RBFOX1: variants seen among roughly 807,000 people sequenced by gnomAD.
The protein encoded by RBFOX1 is RNA binding protein fox-1 homolog 1.
Under a neutral mutation model 57.7 loss-of-function variants are expected in RBFOX1, and 8 were observed. The observed-to-expected ratio is 0.14, with a 90% CI of 0.08 to 0.25. The LOEUF (loss-of-function observed/expected upper bound fraction) is 0.25, where lower values mean the gene tolerates loss of function less well. Among genes scored for constraint, RBFOX1 ranks in the 10% least tolerant of loss-of-function variants. The pLI is 1.00. For synonymous variants in RBFOX1, 326 were observed against 222.4 expected (o/e 1.47, Z -4.15); for missense variants, 611 against 548.5 (o/e 1.11, Z -1.14).
intron 3 of RBFOX1, among the ~76,000 whole-genome samples, chr16:6,809,602 A>T (rs1435813820): frequency 6.6e-6 from 1 of 152,172 alleles, no homozygotes; most frequent in East Asian, 1.9e-4. Flanking sequence ...TAACCTTGGT[A>T]CAGAATTGCT....
At chr16:6,784,553 A>G (rs549342226) in intron 3 of RBFOX1, among the ~76,000 whole-genome samples, 1 of 152,170 alleles carries the variant, frequency 6.6e-6, no homozygotes, top group Non-Finnish European at 1.5e-5. Context: ...TTTTCTCAAG[A>G]CAACCATTTT....
intron 4 of RBFOX1, among the ~76,000 whole-genome samples, chr16:5,891,496 T>A (rs1251851012): frequency 6.6e-6 from 1 of 152,234 alleles, no homozygotes; most frequent in Non-Finnish European, 1.5e-5. Flanking sequence ...ACTAATTGTT[T>A]CAGTCAGAGT....
intron 3 of RBFOX1, among the ~76,000 whole-genome samples, chr16:5,822,247 C>T (rs2055882417): frequency 6.6e-6 from 1 of 151,994 alleles, no homozygotes; most frequent in African/African-American, 2.4e-5. Flanking sequence ...GATGCAAAGG[C>T]ATAAGAATGA....
At chr16:5,358,176 G>A (rs2065445581) in intron 1 of RBFOX1, among the ~76,000 whole-genome samples, 1 of 151,968 alleles carries the variant, frequency 6.6e-6, no homozygotes. Flanking sequence ...CGTTCCTTGG[G>A]TTATAGATGC....
At chr16:6,607,298 C>G (rs1332502506) in intron 2 of RBFOX1, among the ~76,000 whole-genome samples, 1 of 152,136 alleles carries the variant, frequency 6.6e-6, no homozygotes, top group South Asian at 2.1e-4. Flanking sequence ...AATGTCAGCT[C>G]TCATATTCAC....
At chr16:7,701,141 A>T in intron 14 of RBFOX1, among the ~76,000 whole-genome samples, 1 of 152,224 alleles carries the variant, frequency 6.6e-6, no homozygotes, top group African/African-American at 2.4e-5. Flanking sequence ...CAAGCTAAGG[A>T]AGTCAGCAGC....
intron 4 of RBFOX1, among the ~76,000 whole-genome samples, chr16:7,290,895 C>T (rs564921133): frequency 1.3e-5 from 2 of 152,262 alleles, no homozygotes; most frequent in South Asian, 2.1e-4. Context: ...CCAGCAATAC[C>T]CCTGTGAAGA....
chr16:7,641,675 C>G (rs2143360385), intron 11 of RBFOX1, among the ~76,000 whole-genome samples: 1 of 152,256 alleles, frequency 6.6e-6, no homozygotes, highest in Admixed American at 6.5e-5. Flanking sequence ...CTGGCAAGTC[C>G]TAATTCCCAC....
chr16:7,336,453 T>C (rs575132852), intron 4 of RBFOX1, among the ~76,000 whole-genome samples: 11 of 152,242 alleles, frequency 7.2e-5, no homozygotes, highest in Non-Finnish European at 1.2e-4. Flanking sequence ...TTTTCCTGGA[T>C]GGTTGATGGT....
intron 1 of RBFOX1, among the ~76,000 whole-genome samples, chr16:6,291,040 A>G (rs1249832512): frequency 6.6e-6 from 1 of 152,130 alleles, no homozygotes; most frequent in Non-Finnish European, 1.5e-5. Flanking sequence ...TTTTTAGACC[A>G]TATAGGGTAA....
chr16:7,041,377 A>C (rs2046133983), intron 3 of RBFOX1, among the ~76,000 whole-genome samples: 1 of 152,132 alleles, frequency 6.6e-6, no homozygotes, highest in Non-Finnish European at 1.5e-5. Context: ...TGCATTTCCT[A>C]TTTGGCTCTT....
Position 7,665,560 on chromosome 16 carries a change from C to G in RBFOX1, c.930+592C>G, listed in dbSNP as rs191404625. Among the ~76,000 whole-genome samples, 8 of 152,220 alleles carry G rather than the reference C, an allele frequency of 5.3e-5. No individual in the cohort carries two copies. The South Asian group carries it at 1.2e-3, about 24-fold the overall frequency. ...CAATTACCTGACTTAAAATTGCTTG[C>G]TAAATAGTAACACTTTAAGTTTATT... On this transcript the variant is annotated intron_variant, in intron 13 of 15. Coordinates refer to ENST00000550418, the MANE Select transcript of RBFOX1 (RefSeq NM_018723.4).
At chr16:7,368,678 G>T (rs555604959) in intron 4 of RBFOX1, among the ~76,000 whole-genome samples, 1 of 151,650 alleles carries the variant, frequency 6.6e-6, no homozygotes, top group South Asian at 2.1e-4. Context: ...TACTCAGGAG[G>T]CTGAGGCAGG....
intron 3 of RBFOX1, among the ~76,000 whole-genome samples, chr16:5,769,487 CAAAAAA>C (rs113487749): frequency 8.2e-6 from 1 of 121,554 alleles, no homozygotes; most frequent in South Asian, 2.5e-4. Context: ...CTAAAAAATA[CAAAAAA>C]AAAAAAAAAA....
chr16:6,628,812 G>T (rs977650181), intron 2 of RBFOX1, among the ~76,000 whole-genome samples: 1 of 152,146 alleles, frequency 6.6e-6, no homozygotes, highest in African/African-American at 2.4e-5. Flanking sequence ...TGATCTGTAT[G>T]TTTATTAGAA....
At chr16:6,459,794 TG>T (rs2153061323) in intron 2 of RBFOX1, among the ~76,000 whole-genome samples, 1 of 151,596 alleles carries the variant, frequency 6.6e-6, no homozygotes, top group South Asian at 2.1e-4. Context: ...CTGGCCAACA[TG>T]GAGAAACTGA....
intron 2 of RBFOX1, among the ~76,000 whole-genome samples, chr16:6,622,945 T>G (rs1169523491): frequency 6.6e-6 from 1 of 152,174 alleles, no homozygotes; most frequent in Non-Finnish European, 1.5e-5. Context: ...TCTCTCAGGG[T>G]CTTCTTACTT....
chr16:7,180,762 T>C (rs1193427721), intron 4 of RBFOX1, among the ~76,000 whole-genome samples: 1 of 150,930 alleles, frequency 6.6e-6, no homozygotes, highest in Non-Finnish European at 1.5e-5. Context: ...GGTGAAAATA[T>C]TTAGGCAAAA....
intron 4 of RBFOX1, among the ~76,000 whole-genome samples, chr16:7,159,549 C>T (rs1257770336): frequency 6.6e-6 from 1 of 152,162 alleles, no homozygotes; most frequent in East Asian, 1.9e-4. Flanking sequence ...TGGCAGAAGG[C>T]AGGATTTGAA....
Sources: allele counts gnomAD v4.1 joint callset (sites outside exome capture counted in the v4.1 genomes callset), GRCh38; gene constraint gnomAD v4.1.1; transcripts MANE v1.5; gene names NCBI Gene and HGNC (gene_info 2026-07-23, HGNC 2026-07-21).